FARSB: variants seen among roughly 807,000 people sequenced by gnomAD.
The protein encoded by FARSB is phenylalanine--tRNA ligase beta subunit.
In FARSB, 40 loss-of-function variants were observed where a neutral mutation model predicts 69.6. The observed-to-expected ratio is 0.57, with a 90% confidence interval of 0.45 to 0.75. The LOEUF is 0.75. Ranked by LOEUF, FARSB falls within the 30% of genes least tolerant of loss-of-function variation. The pLI is 0.00. For synonymous variants in FARSB, 235 were observed against 247.2 expected (o/e 0.95, Z 0.46); for missense variants, 632 against 722.9 (o/e 0.87, Z 1.44).
chr2:222,620,025 T>TA (rs1691100119), intron 13 of FARSB, among the ~76,000 whole-genome samples: 1 of 152,190 alleles, frequency 6.6e-6, no homozygotes, highest in Non-Finnish European at 1.5e-5. Flanking sequence ...CATACAGAGC[T>TA]AAAGTAAATT....
rs187423010 is a variant in FARSB, at chr2:222,578,680, T to C, written c.1619-6658A>G. On this transcript the variant is annotated intron_variant, in intron 16 of 16. Transcript: ENST00000281828. ...GGTGAAACCCCATCTCTACTAAAAATACAAAAAAATTAGCTGGGGCCGGGC... is the reference window on the plus strand; with the variant it reads ...GGTGAAACCCCATCTCTACTAAAAACACAAAAAAATTAGCTGGGGCCGGGC... 2.3e-3 allele frequency among the ~76,000 whole-genome samples: 336 copies of C among 145,512 alleles called. 1 individual carries two copies. The highest frequency in any genetic ancestry group is 4.5e-3 in the Admixed American group (67 of 14,738).
intron 5 of FARSB, among the ~76,000 whole-genome samples, chr2:222,636,984 T>C (rs1691597049): frequency 6.6e-6 from 1 of 152,174 alleles, no homozygotes; most frequent in African/African-American, 2.4e-5. Flanking sequence ...CTAAAAAATG[T>C]TCAAGAATTA....
rs1690521289 is a variant in FARSB, at chr2:222,600,032, T to C, written c.1514A>G (p.Asn505Ser). Residue 505 changes from asparagine to serine, a missense_variant, in exon 16 of 17, where the codon AAT (asparagine) becomes AGT (serine). Coordinates refer to ENST00000281828, the MANE Select transcript of FARSB (RefSeq NM_005687.5). The part of the protein sequence containing the change: ...RHLCAVYYNK[N>S]PGFEIIHGLL... ...CCCATGAATGATCTCAAACCCAGGA[T>C]TCTTGTTGTAATAAACAGCACAGAG... The C allele has an allele frequency of 2.5e-6, 4 of 1,610,668 alleles. No homozygotes were observed. The highest frequency in any genetic ancestry group is 3.4e-6 in the Non-Finnish European group (4 of 1,179,240).
intron 13 of FARSB, among the ~76,000 whole-genome samples, chr2:222,623,165 G>C (rs1691184414): frequency 6.6e-6 from 1 of 152,110 alleles, no homozygotes; most frequent in Non-Finnish European, 1.5e-5. Context: ...TTCTGATTTT[G>C]TAATAAAAGT....
intron 15 of FARSB, among the ~76,000 whole-genome samples, chr2:222,613,482 T>C (rs979467529): frequency 6.6e-6 from 1 of 152,164 alleles, no homozygotes; most frequent in Non-Finnish European, 1.5e-5. Flanking sequence ...GAGGCAGAGG[T>C]TGCAGTGAGC....
chr2:222,653,700 C>T (rs1204612743), intron 1 of FARSB, among the ~76,000 whole-genome samples: 1 of 151,558 alleles, frequency 6.6e-6, no homozygotes, highest in African/African-American at 2.4e-5. Flanking sequence ...GCTTGATCAC[C>T]GCTCACTACA....
chr2:222,632,097 G>A (rs1691445422), intron 7 of FARSB, among the ~76,000 whole-genome samples: 1 of 151,886 alleles, frequency 6.6e-6, no homozygotes, highest in Non-Finnish European at 1.5e-5. Context: ...TTGCACTCCA[G>A]CCTGGGCAAC....
At position 222,568,416 on chromosome 2, in the gene FARSB, A is replaced by G. The variant is rs1211779765; in HGVS notation, c.*3455T>C. ...AGTGTCTCAAACTCATTTATTGGCTATGTGACTTCTGAGTAAGTTATTGAT... is the reference window on the plus strand; with the variant it reads ...AGTGTCTCAAACTCATTTATTGGCTGTGTGACTTCTGAGTAAGTTATTGAT... On this transcript the variant is annotated 3_prime_UTR_variant, in exon 17 of 17. Transcript: ENST00000281828. This position sits in a 1 kb window ranked among gnomAD's most constrained non-coding sequence, Gnocchi z 4.3. 2 of 152,216 alleles carry G rather than the reference A, an allele frequency of 1.3e-5. No homozygotes were observed. Among genetic ancestry groups the G allele is most frequent in the East Asian group, 3.8e-4 (2 of 5,204 alleles). The allele number at this position is 152,216 out of a possible 1,614,324, so 9.4% of individuals were successfully genotyped here.
chr2:222,621,585 A>C, intron 13 of FARSB, among the ~76,000 whole-genome samples: 1 of 152,256 alleles, frequency 6.6e-6, no homozygotes, highest in Non-Finnish European at 1.5e-5. Flanking sequence ...TACAACAAGT[A>C]AATGAACCTT....
chr2:222,601,394 T>C (rs559373259), intron 15 of FARSB, among the ~76,000 whole-genome samples: 4 of 151,792 alleles, frequency 2.6e-5, no homozygotes, highest in African/African-American at 9.7e-5. Flanking sequence ...CTGGGCAACA[T>C]AGCAATACCC....
intron 16 of FARSB, among the ~76,000 whole-genome samples, chr2:222,592,688 CAGAAG>C (rs1035340425): frequency 6.7e-6 from 1 of 149,644 alleles, no homozygotes; most frequent in African/African-American, 2.5e-5. Context: ...AGTATGGATG[CAGAAG>C]AGAAGAGAGG....
intron 5 of FARSB, among the ~76,000 whole-genome samples, chr2:222,638,942 A>G (rs1470395995): frequency 6.6e-6 from 1 of 152,218 alleles, no homozygotes; most frequent in African/African-American, 2.4e-5. Context: ...AGTTTCCATT[A>G]GGATTTTGAA....
At chr2:222,633,062 G>T in intron 7 of FARSB, 137 bp downstream of exon 7, 1 of 616,324 alleles carries the variant, frequency 1.6e-6, no homozygotes. Flanking sequence ...AGAATGATTA[G>T]AATCTACAAA....
At chr2:222,639,852 CAA>C (rs1691673802) in intron 4 of FARSB, among the ~76,000 whole-genome samples, 157 bp from the exon 5 acceptor site, 1 of 152,088 alleles carries the variant, frequency 6.6e-6, no homozygotes, top group Admixed American at 6.5e-5. Flanking sequence ...AAGTGGTAAA[CAA>C]GAGAAAAAGT....
intron 15 of FARSB, among the ~76,000 whole-genome samples, chr2:222,604,555 ATTC>A (rs1690651116): frequency 6.6e-6 from 1 of 152,030 alleles, no homozygotes; most frequent in African/African-American, 2.4e-5. Flanking sequence ...ACCGTCAGTA[ATTC>A]TTCTTTGTTT....
intron 2 of FARSB, among the ~76,000 whole-genome samples, chr2:222,644,292 C>T (rs367746922): frequency 2.0e-5 from 3 of 152,022 alleles, no homozygotes; most frequent in Admixed American, 6.5e-5. Flanking sequence ...CAAGGTGGTG[C>T]TGGGCTCCAA....
At position 222,571,835 on chromosome 2, in the gene FARSB, C is replaced by T; in HGVS notation, c.*36G>A. 1 of 1,579,354 alleles carries T rather than the reference C, an allele frequency of 6.3e-7. No individual in the cohort carries two copies. The highest frequency in any genetic ancestry group is 8.6e-7 in the Non-Finnish European group (1 of 1,158,106). On this transcript the variant is annotated 3_prime_UTR_variant, in exon 17 of 17. Coordinates refer to ENST00000281828, the MANE Select transcript of FARSB (RefSeq NM_005687.5). The stretch of plus-strand genomic sequence containing the variant: ...AGGACACTAGGGGAGGAGAAAGGGA[C>T]ACCTGGGAAGAGAATCACACCACAG...
intron 15 of FARSB, among the ~76,000 whole-genome samples, chr2:222,611,362 A>G (rs1574930906): frequency 6.8e-6 from 1 of 148,086 alleles, no homozygotes; most frequent in African/African-American, 2.5e-5. Context: ...ACGCAAATCT[A>G]AAAGATATAT....
At chr2:222,584,417 C>A (rs918942359) in intron 16 of FARSB, among the ~76,000 whole-genome samples, 7 of 152,136 alleles carry the variant, frequency 4.6e-5, no homozygotes, top group Admixed American at 1.3e-4. Context: ...GTCTACAGCT[C>A]CCAGCGTGAG....
Sources: gnomAD v4.1 joint callset for allele counts (sites outside exome capture counted in the v4.1 genomes callset) on GRCh38, gnomAD v4.1.1 for gene constraint, Gnocchi (gnomAD v3.1) non-coding constraint, MANE v1.5 for transcripts, NCBI Gene and HGNC (gene_info 2026-07-23, HGNC 2026-07-21) for gene names.